PVT1: variants seen among roughly 807,000 people sequenced by gnomAD.
PVT1 encodes the protein Pvt1 oncogene, also known as CXCR4/PVT1 fusion.
At chr8:127,915,232 A>G (rs1052501792) in intron 3 of PVT1, among the ~76,000 whole-genome samples, 3 of 152,192 alleles carry the variant, frequency 2.0e-5, no homozygotes, top group Non-Finnish European at 4.4e-5. Flanking sequence ...CTGATTTTGT[A>G]CACTTTAAAA....
At chr8:127,797,739 G>C (rs569672279) in intron 2 of PVT1, among the ~76,000 whole-genome samples, 2 of 152,150 alleles carry the variant, frequency 1.3e-5, no homozygotes, top group African/African-American at 4.8e-5. Flanking sequence ...AACTCCATGA[G>C]GCATTTATAA....
At chr8:127,835,258 A>G (rs1449449170) in intron 2 of PVT1, among the ~76,000 whole-genome samples, 2 of 152,214 alleles carry the variant, frequency 1.3e-5, no homozygotes, top group Non-Finnish European at 2.9e-5. Flanking sequence ...ATGGAATACT[A>G]TGCAGCCATA....
chr8:128,046,143 C>T (rs1238386616), intron 4 of PVT1, among the ~76,000 whole-genome samples: 3 of 152,216 alleles, frequency 2.0e-5, no homozygotes, highest in African/African-American at 7.2e-5. Context: ...TTCATAGCTG[C>T]TCACCTTTCA....
chr8:128,077,247 T>G (rs1814102633), intron 5 of PVT1, among the ~76,000 whole-genome samples: 1 of 152,164 alleles, frequency 6.6e-6, no homozygotes, highest in African/African-American at 2.4e-5. Flanking sequence ...AACTTTGTTT[T>G]TTGCCCCTAC....
intron 4 of PVT1, among the ~76,000 whole-genome samples, chr8:128,060,039 A>G (rs1333506451): frequency 1.3e-5 from 2 of 152,062 alleles, no homozygotes; most frequent in Non-Finnish European, 2.9e-5. Context: ...GGTGGATCAC[A>G]AGGTCAGGAG....
At chr8:127,797,185 A>G (rs1304721273) in intron 2 of PVT1, among the ~76,000 whole-genome samples, 1 of 151,880 alleles carries the variant, frequency 6.6e-6, no homozygotes, top group Non-Finnish European at 1.5e-5. Context: ...GGCATGGACC[A>G]CCATGCCTGG....
intron 2 of PVT1, among the ~76,000 whole-genome samples, chr8:127,849,425 G>A (rs1308703416): frequency 6.6e-6 from 1 of 152,104 alleles, no homozygotes; most frequent in Non-Finnish European, 1.5e-5. Context: ...TCGAAACAAG[G>A]TGTTCCCAGG....
chr8:127,984,994 TTTCCTTCCTTCCTTCCTTCC>T (rs1202727973), intron 3 of PVT1, among the ~76,000 whole-genome samples: 5 of 67,090 alleles, frequency 7.5e-5, no homozygotes, highest in African/African-American at 3.1e-4. Flanking sequence ...TTTCTTTCTC[TTTCCTTCCTTCCTTCCTTCC>T]TTCCTTCCTT....
intron 3 of PVT1, among the ~76,000 whole-genome samples, chr8:127,901,402 C>T (rs912267240): frequency 6.6e-6 from 1 of 152,096 alleles, no homozygotes; most frequent in Non-Finnish European, 1.5e-5. Flanking sequence ...CTAGCAAAGC[C>T]CACAGCACAG....
intron 4 of PVT1, among the ~76,000 whole-genome samples, chr8:128,003,387 C>T (rs991862831): frequency 1.3e-5 from 2 of 149,902 alleles, no homozygotes; most frequent in Non-Finnish European, 3.0e-5. Flanking sequence ...TCTTTGTTGT[C>T]CAGGCTGGAG....
intron 4 of PVT1, among the ~76,000 whole-genome samples, chr8:128,060,890 A>T (rs1267352549): frequency 2.7e-5 from 4 of 149,108 alleles, no homozygotes; most frequent in Non-Finnish European, 5.9e-5. Flanking sequence ...TTCTATCCCC[A>T]GTCCTAGGCA....
intron 4 of PVT1, among the ~76,000 whole-genome samples, chr8:127,997,490 G>T (rs1362968283): frequency 6.6e-6 from 1 of 152,172 alleles, no homozygotes; most frequent in African/African-American, 2.4e-5. Context: ...ATGGGAGCAG[G>T]GTAAGATAGT....
chr8:127,966,010 C>A (rs997767412), intron 3 of PVT1, among the ~76,000 whole-genome samples: 23 of 152,116 alleles, frequency 1.5e-4, no homozygotes, highest in African/African-American at 5.6e-4. Flanking sequence ...AATTGAAAGT[C>A]CAGTTTTAGA....
intron 3 of PVT1, among the ~76,000 whole-genome samples, chr8:127,984,799 G>T (rs1308208870): frequency 2.0e-5 from 3 of 151,352 alleles, no homozygotes; most frequent in African/African-American, 7.3e-5. Flanking sequence ...TGGAGACAGG[G>T]GTCTCGCCAT....
chr8:128,015,091 A>ATTTATTAT (rs369418776), intron 4 of PVT1, among the ~76,000 whole-genome samples: 17 of 139,118 alleles, frequency 1.2e-4, no homozygotes, highest in African/African-American at 2.2e-4. Context: ...TTATTTATTT[A>ATTTATTAT]TTATTTATTT....
At chr8:128,008,371 C>T (rs1440052230) in intron 4 of PVT1, among the ~76,000 whole-genome samples, 8 of 152,180 alleles carry the variant, frequency 5.3e-5, no homozygotes, top group Admixed American at 3.3e-4. Context: ...TTACAAATAT[C>T]GACTAATGTA....
chr8:128,010,197 A>T (rs1391464070), intron 4 of PVT1: 1 of 152,174 alleles, frequency 6.6e-6, no homozygotes, highest in Admixed American at 6.5e-5. Context: ...TGAATGCAGC[A>T]ATGGTTTCAG....
intron 3 of PVT1, among the ~76,000 whole-genome samples, chr8:127,954,486 G>T (rs1816545753): frequency 1.3e-5 from 2 of 151,948 alleles, no homozygotes; most frequent in Non-Finnish European, 2.9e-5. Context: ...GTAGAGATGG[G>T]GTTTCACTAT....
At position 128,087,519 on chromosome 8, in the gene PVT1, G is replaced by C. The variant is rs181000464; in HGVS notation, n.1115-8999G>C. Among the ~76,000 whole-genome samples the C allele has an allele frequency of 7.3e-3, 1,109 of 152,168 alleles. 19 individuals carry two copies. The highest frequency in any genetic ancestry group is 0.026 in the African/African-American group (1,079 of 41,514). ...GCAGATTATTAACACCACAACTGCCGTTTTAGTTAATGAATCAAAAACATG... is the reference window on the plus strand; with the variant it reads ...GCAGATTATTAACACCACAACTGCCCTTTTAGTTAATGAATCAAAAACATG... On this transcript the variant is annotated intron_variant and non_coding_transcript_variant, in intron 5 of 10. Coordinates refer to ENST00000651587, the Ensembl canonical transcript of PVT1.
Sources: gnomAD v4.1 joint callset for allele counts (sites outside exome capture counted in the v4.1 genomes callset) on GRCh38, gnomAD v4.1.1 for gene constraint, MANE v1.5 for transcripts, NCBI Gene and HGNC (gene_info 2026-07-23, HGNC 2026-07-21) for gene names.